Variants in PRKG1 observed in about 807,000 individuals in gnomAD.
PRKG1 encodes cGMP-dependent protein kinase 1.
Under a neutral mutation model 88.1 loss-of-function variants are expected in PRKG1, and 35 were observed. That is an observed-to-expected ratio of 0.40 (90% CI 0.30 to 0.53). The LOEUF (loss-of-function observed/expected upper bound fraction) is 0.53. Among genes scored for constraint, PRKG1 ranks in the 20% least tolerant of loss-of-function variants. PRKG1 has a pLI of 0.59. For synonymous variants in PRKG1, 303 were observed against 292.5 expected, an observed-to-expected ratio of 1.04 and a Z score of -0.37; for missense variants, 540 against 839.8, an observed-to-expected ratio of 0.64 and a Z score of 4.41.
chr10:51,158,440 C>A (rs1406080959), intron 2 of PRKG1, among the ~76,000 whole-genome samples: 3 of 151,770 alleles, frequency 2.0e-5, no homozygotes, highest in African/African-American at 4.8e-5. Context: ...ACTTGAGGAG[C>A]CCATAAAAGA....
chr10:51,379,228 A>C (rs1336075769), intron 2 of PRKG1, among the ~76,000 whole-genome samples: 1 of 152,196 alleles, frequency 6.6e-6, no homozygotes, highest in African/African-American at 2.4e-5. Context: ...GATGTCTGGC[A>C]CAAGGTAATA....
chr10:51,125,380 A>C, intron 1 of PRKG1, among the ~76,000 whole-genome samples: 1 of 150,872 alleles, frequency 6.6e-6, no homozygotes, highest in Middle Eastern at 3.5e-3. Context: ...ATAAAGTATA[A>C]ATTATATAAA....
chr10:51,019,458 G>C (rs913559334), intron 1 of PRKG1, among the ~76,000 whole-genome samples: 34 of 152,080 alleles, frequency 2.2e-4, no homozygotes, highest in African/African-American at 8.0e-4. Context: ...AAACAAGGAA[G>C]TTGGGTCCTT....
intron 3 of PRKG1, chr10:51,568,537 G>A (rs375467555): frequency 6.6e-6 from 1 of 151,958 alleles, no homozygotes; most frequent in African/African-American, 2.4e-5. Flanking sequence ...ACTGGGCTTA[G>A]CCCCATTTTT....
At chr10:51,146,274 T>C (rs1845947117) in intron 1 of PRKG1, among the ~76,000 whole-genome samples, 1 of 152,098 alleles carries the variant, frequency 6.6e-6, no homozygotes, top group Non-Finnish European at 1.5e-5. Context: ...ATAATAGTCA[T>C]TTTAACTGGT....
chr10:52,086,434 T>C (rs1386462928), intron 7 of PRKG1, among the ~76,000 whole-genome samples: 1 of 149,540 alleles, frequency 6.7e-6, no homozygotes, highest in Non-Finnish European at 1.5e-5. Context: ...TGAGACAGTC[T>C]CGCTCTATCA....
intron 2 of PRKG1, among the ~76,000 whole-genome samples, chr10:51,374,093 A>AAAATATATATATATATATATATAT: frequency 1.3e-4 from 13 of 100,166 alleles, no homozygotes; most frequent in African/African-American, 1.7e-4. Context: ...AAAAAAAAAA[A>AAAATATATATATATATATATATAT]ATATATATAT....
At chr10:52,017,111 A>G (rs74132899) in intron 5 of PRKG1, among the ~76,000 whole-genome samples, 1,996 of 152,310 alleles carry the variant, frequency 0.013, 43 homozygotes, top group African/African-American at 0.046. Context: ...TTAAGAGATT[A>G]AAATGTATTT....
chr10:51,085,804 T>C (rs1844233131), intron 1 of PRKG1, among the ~76,000 whole-genome samples: 2 of 152,190 alleles, frequency 1.3e-5, no homozygotes, highest in Non-Finnish European at 2.9e-5. Context: ...AAAAATGTAA[T>C]GTGAACTCCA....
chr10:51,431,177 A>C lies in PRKG1; in HGVS notation c.479-36546A>C, dbSNP rs141303090. On this transcript the variant is annotated intron_variant, in intron 2 of 17. Coordinates refer to ENST00000373980, the MANE Select transcript of PRKG1 (RefSeq NM_006258.4). ...TGCTTTGGACAATGGCATTGAGTGA[A>C]GAGAAAGTGTATCAATGGCTATACC... Among the ~76,000 whole-genome samples the C allele has an allele frequency of 5.9e-5, 9 of 152,308 alleles. No homozygotes were observed. In the East Asian group the frequency reaches 1.7e-3, roughly 29 times the overall value.
intron 3 of PRKG1, among the ~76,000 whole-genome samples, chr10:51,646,291 A>G (rs1429696270): frequency 1.3e-5 from 2 of 152,124 alleles, no homozygotes; most frequent in Non-Finnish European, 2.9e-5. Context: ...TGTTATAATA[A>G]TATATACCTC....
intron 5 of PRKG1, among the ~76,000 whole-genome samples, chr10:51,967,998 C>T (rs768697317): frequency 2.0e-5 from 3 of 152,310 alleles, no homozygotes; most frequent in East Asian, 1.9e-4. Context: ...TTGGAGAAAG[C>T]GTTACAGAAG....
intron 2 of PRKG1, among the ~76,000 whole-genome samples, chr10:51,441,864 G>T (rs548575124): frequency 6.6e-6 from 1 of 151,956 alleles, no homozygotes; most frequent in African/African-American, 2.4e-5. Context: ...GCCTCTCATA[G>T]TTTCTTCTTT....
At chr10:52,154,082 T>C (rs903176594) in intron 8 of PRKG1, among the ~76,000 whole-genome samples, 1 of 152,174 alleles carries the variant, frequency 6.6e-6, no homozygotes, top group African/African-American at 2.4e-5. Context: ...ACAAGTGATG[T>C]TCTATTTTAG....
chr10:51,099,207 C>A (rs1239898140), intron 1 of PRKG1, among the ~76,000 whole-genome samples: 3 of 152,036 alleles, frequency 2.0e-5, no homozygotes, highest in Non-Finnish European at 4.4e-5. Flanking sequence ...TAGCCTCATA[C>A]CAACATGAAT....
chr10:51,181,035 A>G (rs987730849), intron 2 of PRKG1, among the ~76,000 whole-genome samples: 2 of 152,008 alleles, frequency 1.3e-5, no homozygotes, highest in South Asian at 2.1e-4. Flanking sequence ...AATTCTTATC[A>G]ATGATAGCAT....
chr10:52,274,965 G>C (rs1841835060), intron 12 of PRKG1, among the ~76,000 whole-genome samples: 1 of 152,002 alleles, frequency 6.6e-6, no homozygotes, highest in African/African-American at 2.4e-5. Context: ...ACGTTTATTG[G>C]CCATTTGTAT....
At chr10:51,076,952 T>G (rs1843968474) in intron 1 of PRKG1, among the ~76,000 whole-genome samples, 1 of 152,324 alleles carries the variant, frequency 6.6e-6, no homozygotes, top group East Asian at 1.9e-4. Context: ...GACTCTGAAG[T>G]ATTTTATTGA....
At chr10:51,736,280 A>C (rs892485618) in intron 3 of PRKG1, among the ~76,000 whole-genome samples, 1 of 151,778 alleles carries the variant, frequency 6.6e-6, no homozygotes, top group African/African-American at 2.4e-5. Flanking sequence ...ATTTATTATC[A>C]TTATTATTTT....
Sources: allele counts gnomAD v4.1 joint callset (sites outside exome capture counted in the v4.1 genomes callset), GRCh38; gene constraint gnomAD v4.1.1; transcripts MANE v1.5; gene names NCBI Gene and HGNC (gene_info 2026-07-23, HGNC 2026-07-21).